Variants in TRAF2 observed in about 807,000 individuals in gnomAD.
TRAF2 encodes the protein TNF receptor-associated factor 2.
TRAF2 carries 6 observed loss-of-function variants against 55.6 expected under a neutral mutation model. The observed-to-expected ratio is 0.11, with a 90% CI of 0.06 to 0.21. TRAF2 has a LOEUF of 0.21. Among genes scored for constraint, TRAF2 ranks in the 10% least tolerant of loss-of-function variants. The pLI is 1.00. For synonymous variants in TRAF2, 329 were observed against 276.3 expected, an observed-to-expected ratio of 1.19 and a Z score of -1.89; for missense variants, 561 against 684.5, an observed-to-expected ratio of 0.82 and a Z score of 2.01.
chr9:136,916,497 A>G (rs769303712), intron 6 of TRAF2, 44 bp from the exon 7 acceptor site: 4 of 1,596,940 alleles, frequency 2.5e-6, no homozygotes, highest in Non-Finnish European at 3.4e-6. Context: ...GCTGAAATGC[A>G]TCAGAACAGA....
At chr9:136,884,455 G>A (rs976706473), upstream of TRAF2, among the ~76,000 whole-genome samples, 1 of 152,084 alleles carries the variant, frequency 6.6e-6, no homozygotes, top group Non-Finnish European at 1.5e-5. Flanking sequence ...AGCTACTCCG[G>A]AGGCTTAGGC....
intron 2 of TRAF2, among the ~76,000 whole-genome samples, chr9:136,899,278 G>A (rs1277017554): frequency 6.6e-6 from 1 of 152,220 alleles, no homozygotes; most frequent in African/African-American, 2.4e-5. Flanking sequence ...CTTGCAGCGA[G>A]TGGTCTGAGA....
At chr9:136,909,379 T>TC (rs1213846391) in intron 5 of TRAF2, among the ~76,000 whole-genome samples, 1 of 152,234 alleles carries the variant, frequency 6.6e-6, no homozygotes, top group Non-Finnish European at 1.5e-5. Flanking sequence ...TCTGGGTCTC[T>TC]CTCTGCCTCT....
At chr9:136,909,166 A>G (rs1850036731) in intron 5 of TRAF2, among the ~76,000 whole-genome samples, 3 of 151,502 alleles carry the variant, frequency 2.0e-5, no homozygotes, top group Admixed American at 1.3e-4. Flanking sequence ...CGTCCTCGCC[A>G]GGCCTGGGCT....
intron 4 of TRAF2, chr9:136,900,769 T>C (rs961126416): frequency 4.5e-5 from 21 of 470,580 alleles, no homozygotes; most frequent in Admixed American, 2.9e-4. Context: ...TTACCCTCTC[T>C]GTGCCTCAGG....
upstream of TRAF2, among the ~76,000 whole-genome samples, chr9:136,882,470 C>G (rs940253355): frequency 4.6e-5 from 7 of 152,228 alleles, no homozygotes; most frequent in Admixed American, 1.3e-4. Context: ...GCACCCTCGT[C>G]AGGACACGGA....
At position 136,899,686 on chromosome 9, in the gene TRAF2, C is replaced by T. The variant is rs749068428; in HGVS notation, c.267+14C>T. 1.2e-6 allele frequency: 2 copies of T among 1,608,794 alleles called. No homozygotes were observed. The highest frequency in any genetic ancestry group is 1.7e-6 in the Non-Finnish European group (2 of 1,176,358). On this transcript the variant is annotated intron_variant, in intron 3 of 10. Coordinates refer to ENST00000247668, the MANE Select transcript of TRAF2 (RefSeq NM_021138.4). ...GAAAGCAGTTCGGTAAGTAAAATGT[C>T]TTGAAGCTAAAAATGTTGAACAGAA...
chr9:136,925,639 C>A, intron 10 of TRAF2, 44 bp from the exon 11 acceptor site: 3 of 1,591,552 alleles, frequency 1.9e-6, no homozygotes, highest in Non-Finnish European at 2.6e-6. Flanking sequence ...CAGAGAGAGA[C>A]GGCCCACAGA....
At chr9:136,915,043 G>A (rs1564417731) in intron 6 of TRAF2, among the ~76,000 whole-genome samples, 4 of 152,124 alleles carry the variant, frequency 2.6e-5, no homozygotes, top group Non-Finnish European at 1.5e-5. Flanking sequence ...GCCGGGTGTG[G>A]TAGCGCATGC....
At chr9:136,910,155 G>A (rs1050870608) in intron 6 of TRAF2, 161 bp downstream of exon 6, 9 of 768,784 alleles carry the variant, frequency 1.2e-5, no homozygotes, top group African/African-American at 3.4e-5. Flanking sequence ...TCAGGGTGGC[G>A]GCCGCTCTCC....
chr9:136,902,977 T>A (rs1256831289), intron 4 of TRAF2, among the ~76,000 whole-genome samples: 1 of 65,722 alleles, frequency 1.5e-5, no homozygotes, highest in Non-Finnish European at 2.9e-5. Flanking sequence ...TTATTTATTT[T>A]TATTTTTTTG....
intron 6 of TRAF2, among the ~76,000 whole-genome samples, chr9:136,911,415 C>T (rs935417946): frequency 2.0e-5 from 3 of 152,048 alleles, no homozygotes; most frequent in Non-Finnish European, 4.4e-5. Flanking sequence ...CAGGTATGCA[C>T]CACCACACCC....
In TRAF2 at chr9:136,916,544, C is replaced by G; in HGVS notation, c.607C>G (p.Gln203Glu). 1.2e-6 allele frequency: 2 copies of G among 1,614,030 alleles called. No homozygotes were observed. Among genetic ancestry groups the G allele is most frequent in the Non-Finnish European group, 1.7e-6 (2 of 1,179,954 alleles). The stretch of plus-strand genomic sequence containing the variant: ...CTGTGACGTCACTCCCTTGTAGTTT[C>G]AGGACCACGTCAAGACTTGTGGCAA... ...GKKKIPREKF[Q>E]DHVKTCGKCR... Residue 203 changes from glutamine to glutamate, a missense_variant, in exon 7 of 11, where the codon CAG (glutamine) becomes GAG (glutamate). By Grantham distance (29) the Gln-to-Glu change is conservative. Coordinates refer to ENST00000247668, the MANE Select transcript of TRAF2 (RefSeq NM_021138.4).
intron 1 of TRAF2, among the ~76,000 whole-genome samples, chr9:136,893,386 TG>T (rs751735460): frequency 6.6e-6 from 1 of 152,186 alleles, no homozygotes; most frequent in South Asian, 2.1e-4. Context: ...CTGCTGGCTT[TG>T]GGGGGCAGAC....
intron 5 of TRAF2, among the ~76,000 whole-genome samples, chr9:136,908,938 T>C: frequency 6.8e-6 from 1 of 147,384 alleles, no homozygotes; most frequent in Middle Eastern, 3.6e-3. Flanking sequence ...CTCGGGAGGC[T>C]GAGGCAGGAG....
chr9:136,906,903 C>T (rs546288978), intron 4 of TRAF2, among the ~76,000 whole-genome samples: 29 of 152,358 alleles, frequency 1.9e-4, no homozygotes, highest in African/African-American at 6.5e-4. Context: ...CCTGTGACTG[C>T]TGCGGCTTCC....
At chr9:136,901,096 C>G (rs937488214) in intron 4 of TRAF2, among the ~76,000 whole-genome samples, 3 of 124,314 alleles carry the variant, frequency 2.4e-5, no homozygotes, top group African/African-American at 3.7e-5. Flanking sequence ...TGTGGTTTGT[C>G]CCTGTGTGCT....
chr9:136,896,537 C>T (rs530765253), intron 1 of TRAF2, among the ~76,000 whole-genome samples: 3 of 152,330 alleles, frequency 2.0e-5, no homozygotes, highest in South Asian at 4.1e-4. Context: ...CTTGATAGGG[C>T]CAGCACGTGT....
intron 4 of TRAF2, among the ~76,000 whole-genome samples, chr9:136,906,813 G>A (rs1231443805): frequency 6.6e-6 from 1 of 152,176 alleles, no homozygotes. Context: ...GGTCCACGTG[G>A]CTCCCCAGAC....
Sources: gnomAD v4.1 joint callset for allele counts (sites outside exome capture counted in the v4.1 genomes callset) on GRCh38, gnomAD v4.1.1 for gene constraint, MANE v1.5 for transcripts, NCBI Gene and HGNC (gene_info 2026-07-23, HGNC 2026-07-21) for gene names.